Variants in KLHL1 observed in about 807,000 individuals in gnomAD.
The protein encoded by KLHL1 is kelch like family member 1.
A neutral mutation model predicts 77.7 loss-of-function variants in KLHL1; 47 were observed. The ratio of observed to expected loss-of-function variants is 0.60; its 90% confidence interval spans 0.48 to 0.77. KLHL1 has a LOEUF of 0.77. Ranked by LOEUF, KLHL1 falls within the 30% of genes least tolerant of loss-of-function variation. KLHL1 has a pLI of 0.00. For missense variants in KLHL1, 925 were observed against 910.8 expected (o/e 1.02, Z -0.20); for synonymous variants, 360 against 325.2 (o/e 1.11, Z -1.15).
At chr13:69,780,759 C>CAG (rs1876144438) in intron 7 of KLHL1, among the ~76,000 whole-genome samples, 1 of 112,472 alleles carries the variant, frequency 8.9e-6, no homozygotes, top group Non-Finnish European at 1.8e-5. Context: ...TATATATATA[C>CAG]ACACACATTT....
chr13:69,834,817 C>G (rs1225945607), intron 6 of KLHL1, among the ~76,000 whole-genome samples: 2 of 152,024 alleles, frequency 1.3e-5, no homozygotes, highest in Non-Finnish European at 2.9e-5. Flanking sequence ...AATAATCCCT[C>G]AGTTCTAAGG....
chr13:69,875,500 T>G (rs1880730808), intron 5 of KLHL1, among the ~76,000 whole-genome samples: 1 of 152,180 alleles, frequency 6.6e-6, no homozygotes, highest in Non-Finnish European at 1.5e-5. Flanking sequence ...AAACACTTAA[T>G]ATATTGTAAC....
At chr13:69,861,887 C>T (rs1033508279) in intron 5 of KLHL1, among the ~76,000 whole-genome samples, 2 of 150,326 alleles carry the variant, frequency 1.3e-5, no homozygotes, top group Non-Finnish European at 3.0e-5. Flanking sequence ...ATTGCCTGAA[C>T]CTGGGAGGCG....
At chr13:70,007,963 T>C (rs1885444394) in intron 1 of KLHL1, among the ~76,000 whole-genome samples, 1 of 152,036 alleles carries the variant, frequency 6.6e-6, no homozygotes, top group Non-Finnish European at 1.5e-5. Flanking sequence ...TTAGCTTACA[T>C]ATAAGATTAT....
chr13:70,031,939 G>A (rs1886111652), intron 1 of KLHL1, among the ~76,000 whole-genome samples: 1 of 152,118 alleles, frequency 6.6e-6, no homozygotes, highest in Non-Finnish European at 1.5e-5. Context: ...AGTTTCCAGG[G>A]AGAGAAAGAT....
chr13:70,052,747 A>G (rs1053208357), intron 1 of KLHL1, among the ~76,000 whole-genome samples: 8 of 151,924 alleles, frequency 5.3e-5, no homozygotes, highest in African/African-American at 1.9e-4. Flanking sequence ...TCTCACATGC[A>G]CATACATAGG....
chr13:69,772,580 T>C (rs1396690311), intron 7 of KLHL1, among the ~76,000 whole-genome samples: 1 of 152,202 alleles, frequency 6.6e-6, no homozygotes, highest in Admixed American at 6.5e-5. Flanking sequence ...TCTACTCTAG[T>C]TTGTCCACAA....
chr13:69,715,772 G>A (rs919537564), intron 9 of KLHL1, among the ~76,000 whole-genome samples: 2 of 152,044 alleles, frequency 1.3e-5, no homozygotes, highest in African/African-American at 4.8e-5. Context: ...CACTCATGCA[G>A]CTGACTCCAG....
At chr13:69,717,199 C>T (rs1872805262) in intron 9 of KLHL1, among the ~76,000 whole-genome samples, 1 of 152,126 alleles carries the variant, frequency 6.6e-6, no homozygotes, top group African/African-American at 2.4e-5. Flanking sequence ...CTATCCATCT[C>T]TCTACAAAAC....
At chr13:69,705,381 C>T (rs1875577954) in intron 10 of KLHL1, among the ~76,000 whole-genome samples, 1 of 151,638 alleles carries the variant, frequency 6.6e-6, no homozygotes, top group South Asian at 2.1e-4. Flanking sequence ...TAATCTATTT[C>T]CAACTCAAGC....
intron 7 of KLHL1, among the ~76,000 whole-genome samples, chr13:69,790,166 A>C (rs1031662651): frequency 1.3e-5 from 2 of 152,182 alleles, no homozygotes; most frequent in African/African-American, 4.8e-5. Context: ...TATAAAAGCA[A>C]CCTCTTATAG....
At chr13:69,720,644 A>C (rs949544162) in intron 8 of KLHL1, among the ~76,000 whole-genome samples, 6 of 152,024 alleles carry the variant, frequency 3.9e-5, no homozygotes, top group Non-Finnish European at 7.4e-5. Context: ...AAGTAACCAG[A>C]AAAGGTCTCA....
intron 1 of KLHL1, among the ~76,000 whole-genome samples, chr13:70,087,594 T>C (rs980123): frequency 0.22 from 33,418 of 150,552 alleles, 3,893 homozygotes; most frequent in Admixed American, 0.29. Flanking sequence ...GCAAATCCAA[T>C]GACCAAACCC....
intron 6 of KLHL1, among the ~76,000 whole-genome samples, chr13:69,809,618 C>T (rs1197025468): frequency 6.6e-6 from 1 of 152,022 alleles, no homozygotes; most frequent in Non-Finnish European, 1.5e-5. Flanking sequence ...AGCCCATAGA[C>T]CCTATAAAGC....
chr13:70,107,358 CTGCTGAG>C lies in KLHL1; in HGVS notation c.335_341del (p.Thr112SerfsTer12). ...CCACGTAGAAGAGAGTCCTGGCTGG[CTGCTGAG>C]TGCCCTGCCCAGGAGCCCCTTGCTG... On this transcript the variant is annotated frameshift_variant, in exon 1 of 11. Transcript: ENST00000377844. LOFTEE classifies it high-confidence loss of function. 3 of 1,614,060 alleles carry C rather than the reference CTGCTGAG, an allele frequency of 1.9e-6. No homozygotes were observed. The highest frequency in any genetic ancestry group is 2.5e-6 in the Non-Finnish European group (3 of 1,180,026).
chr13:69,857,092 CTCCTAATTCTTATAGTGTA>C (rs1157011923), intron 5 of KLHL1, among the ~76,000 whole-genome samples: 6 of 151,928 alleles, frequency 3.9e-5, no homozygotes, highest in African/African-American at 1.4e-4. Context: ...CGTTTTTTGT[CTCCTAATTCTTATAGTGTA>C]TTCTTTCATT....
intron 4 of KLHL1, among the ~76,000 whole-genome samples, chr13:69,905,118 T>C (rs1882004038): frequency 6.6e-6 from 1 of 152,118 alleles, no homozygotes; most frequent in African/African-American, 2.4e-5. Flanking sequence ...TCTGGGTTGG[T>C]TCAATTCCAA....
At chr13:69,722,357 A>G (rs956808951) in intron 8 of KLHL1, among the ~76,000 whole-genome samples, 7 of 151,928 alleles carry the variant, frequency 4.6e-5, no homozygotes, top group Non-Finnish European at 8.8e-5. Context: ...ATATACCTAA[A>G]TTTACATTAA....
chr13:69,933,873 T>C (rs953415991), intron 4 of KLHL1, among the ~76,000 whole-genome samples: 5 of 152,094 alleles, frequency 3.3e-5, no homozygotes, highest in African/African-American at 1.2e-4. Context: ...TAATATCCAT[T>C]TGTCTGAAGG....
Sources: allele counts gnomAD v4.1 joint callset (sites outside exome capture counted in the v4.1 genomes callset), GRCh38; gene constraint gnomAD v4.1.1; transcripts MANE v1.5; gene names NCBI Gene and HGNC (gene_info 2026-07-23, HGNC 2026-07-21).